Variants in SMG6 observed in about 807,000 individuals in gnomAD.
SMG6 encodes telomerase-binding protein EST1A.
Under a neutral mutation model 142.2 loss-of-function variants are expected in SMG6, and 66 were observed. The ratio of observed to expected loss-of-function variants is 0.46; its 90% confidence interval spans 0.38 to 0.57. SMG6 has a LOEUF of 0.57. Among genes scored for constraint, SMG6 ranks in the 20% least tolerant of loss-of-function variants. The pLI is 0.00. For missense variants in SMG6, 1,793 were observed against 1,832.0 expected (o/e 0.98, Z 0.39); for synonymous variants, 779 against 702.4 (o/e 1.11, Z -1.72).
At chr17:2,226,665 C>T (rs901097020) in intron 10 of SMG6, among the ~76,000 whole-genome samples, 11 of 151,384 alleles carry the variant, frequency 7.3e-5, no homozygotes, top group African/African-American at 1.7e-4. Context: ...GAGGCCAAGG[C>T]GGGTGGATCA....
At chr17:2,192,111 C>T (rs1039217333) in intron 10 of SMG6, among the ~76,000 whole-genome samples, 2 of 152,218 alleles carry the variant, frequency 1.3e-5, no homozygotes, top group African/African-American at 4.8e-5. Flanking sequence ...AAGCATCCTC[C>T]TGCAGGAAAT....
chr17:2,260,866 G>C (rs1403868338), intron 8 of SMG6, among the ~76,000 whole-genome samples: 1 of 151,890 alleles, frequency 6.6e-6, no homozygotes, highest in Non-Finnish European at 1.5e-5. Flanking sequence ...TGTGATGGCG[G>C]GTGCCTGTAA....
rs2074816288 is a variant in SMG6 at position 2,282,723 on chromosome 17, G to A, written c.2585C>T (p.Pro862Leu). Residue 862 changes from proline to leucine, a missense_variant, in exon 8 of 19, where the codon CCA (proline) becomes CTA (leucine). Physicochemically the swap from Pro to Leu is moderately conservative, Grantham distance 98. Around this residue, in one of 3 missense-constraint regions of SMG6, gnomAD observed 1,597 missense variants for 1,584.6 expected, o/e 1.01. Transcript: ENST00000263073. ...AGACTCAGTGCCCTGGGAAGACCGTGGATGGGATGGATGAATCCAGATCTC... is the reference window on the plus strand; with the variant it reads ...AGACTCAGTGCCCTGGGAAGACCGTAGATGGGATGGATGAATCCAGATCTC... ...RLEIWIHPSH[P>L]RSSQGTESGK... is the part of the protein sequence containing the mutation. 1.2e-6 allele frequency: 2 copies of A among 1,614,146 alleles called. No individual in the cohort carries two copies. The highest frequency in any genetic ancestry group is 2.2e-5 in the East Asian group (1 of 44,878).
chr17:2,080,345 G>A (rs1278554101), intron 15 of SMG6, among the ~76,000 whole-genome samples: 1 of 152,090 alleles, frequency 6.6e-6, no homozygotes, highest in East Asian at 1.9e-4. Flanking sequence ...TGGAACCCGG[G>A]AGGTGGAGGT....
intron 13 of SMG6, among the ~76,000 whole-genome samples, chr17:2,143,057 TA>T (rs887901308): frequency 6.6e-6 from 1 of 151,796 alleles, no homozygotes; most frequent in African/African-American, 2.4e-5. Context: ...ATGGCTATAA[TA>T]AAAAAAATAA....
chr17:2,183,505 A>G (rs1298713642), intron 12 of SMG6, among the ~76,000 whole-genome samples: 5 of 152,196 alleles, frequency 3.3e-5, no homozygotes, highest in Non-Finnish European at 7.4e-5. Flanking sequence ...CGTGTGAACC[A>G]TACAGCCTGT....
intron 13 of SMG6, among the ~76,000 whole-genome samples, chr17:2,125,164 A>G (rs943005731): frequency 2.0e-5 from 3 of 152,180 alleles, no homozygotes; most frequent in African/African-American, 7.2e-5. Context: ...CTGGAGAAAA[A>G]CAGACATTTC....
intron 13 of SMG6, among the ~76,000 whole-genome samples, chr17:2,149,505 A>G (rs909283133): frequency 6.6e-6 from 1 of 152,084 alleles, no homozygotes; most frequent in Non-Finnish European, 1.5e-5. Flanking sequence ...GGTAGTTGAC[A>G]TTTTGCAGCT....
intron 10 of SMG6, among the ~76,000 whole-genome samples, chr17:2,217,135 T>A (rs975467318): frequency 6.6e-6 from 1 of 152,330 alleles, no homozygotes. Context: ...GTTAAGTAAT[T>A]TGCATAACAC....
intron 15 of SMG6, among the ~76,000 whole-genome samples, chr17:2,080,161 G>A (rs1418417271): frequency 6.6e-6 from 1 of 151,748 alleles, no homozygotes; most frequent in Non-Finnish European, 1.5e-5. Context: ...GCTCATGCCT[G>A]TAATCCCAGC....
chr17:2,145,710 G>C (rs2070648595), intron 13 of SMG6, among the ~76,000 whole-genome samples: 1 of 147,434 alleles, frequency 6.8e-6, no homozygotes, highest in Non-Finnish European at 1.5e-5. Flanking sequence ...AGAGGATGCT[G>C]ATGTACCTCC....
intron 8 of SMG6, among the ~76,000 whole-genome samples, chr17:2,256,724 G>A (rs1032835190): frequency 3.3e-4 from 51 of 152,278 alleles, no homozygotes; most frequent in African/African-American, 1.1e-3. Flanking sequence ...GCAGTGAGCC[G>A]TGATGGTGCC....
At chr17:2,244,899 C>G in intron 8 of SMG6, 180 bp from the exon 9 acceptor site, 1 of 596,894 alleles carries the variant, frequency 1.7e-6, no homozygotes, top group Non-Finnish European at 3.0e-6. Context: ...ACAGCTGCCG[C>G]TCAGCTGAGC....
chr17:2,279,119 C>T (rs1476014642), intron 8 of SMG6, among the ~76,000 whole-genome samples: 1 of 152,194 alleles, frequency 6.6e-6, no homozygotes, highest in East Asian at 1.9e-4. Context: ...AATGGCCAGT[C>T]TCAGGGATCA....
At chr17:2,153,507 G>T (rs148690718) in intron 13 of SMG6, among the ~76,000 whole-genome samples, 33 of 152,332 alleles carry the variant, frequency 2.2e-4, no homozygotes, top group African/African-American at 7.9e-4. Context: ...ATGCAAACCC[G>T]CCCATCTTGG....
At chr17:2,194,774 G>A (rs2072272301) in intron 10 of SMG6, among the ~76,000 whole-genome samples, 1 of 152,010 alleles carries the variant, frequency 6.6e-6, no homozygotes, top group South Asian at 2.1e-4. Context: ...GGGGTACGTA[G>A]GGGTGAAGAC....
At chr17:2,171,731 A>AC (rs1491012038) in intron 13 of SMG6, among the ~76,000 whole-genome samples, 4 of 134,430 alleles carry the variant, frequency 3.0e-5, no homozygotes, top group Admixed American at 2.3e-4. Flanking sequence ...TGGAATTTTT[A>AC]CTTTTTTTTT....
chr17:2,082,285 T>A (rs879094137), intron 14 of SMG6: 1 of 241,968 alleles, frequency 4.1e-6, no homozygotes, highest in Admixed American at 5.0e-5. Context: ...AGTCAAACTT[T>A]AGGCCTATTT....
chr17:2,108,536 C>A (rs1567603865), intron 13 of SMG6, among the ~76,000 whole-genome samples: 1 of 152,166 alleles, frequency 6.6e-6, no homozygotes, highest in African/African-American at 2.4e-5. Flanking sequence ...GAGGCTGAGG[C>A]AGAAGAATTG....
Sources: allele counts gnomAD v4.1 joint callset (sites outside exome capture counted in the v4.1 genomes callset), GRCh38; gene constraint gnomAD v4.1.1; regional missense constraint gnomAD v4.1.1; transcripts MANE v1.5; gene names NCBI Gene and HGNC (gene_info 2026-07-23, HGNC 2026-07-21).